Variants in PKN2 observed in about 807,000 individuals in gnomAD.
PKN2 encodes serine/threonine-protein kinase N2.
Under a neutral mutation model 119.1 loss-of-function variants are expected in PKN2, and 38 were observed. That is an observed-to-expected ratio of 0.32 (90% CI 0.25 to 0.42). The LOEUF is 0.42. Among genes scored for constraint, PKN2 ranks in the 10% least tolerant of loss-of-function variants. The probability of loss-of-function intolerance (pLI) is 1.00; values close to 1 mark genes in which losing one functional copy is unlikely to be tolerated. For synonymous variants in PKN2, 390 were observed against 384.9 expected (o/e 1.01, Z -0.15); for missense variants, 850 against 1,165.1 (o/e 0.73, Z 3.94).
intron 8 of PKN2, among the ~76,000 whole-genome samples, chr1:88,796,643 A>AT (rs546190644): frequency 2.6e-5 from 4 of 152,044 alleles, no homozygotes; most frequent in Admixed American, 2.0e-4. Context: ...CAATTATGAT[A>AT]TTTTTTGATC....
chr1:88,805,855 A>G (rs754452270), intron 11 of PKN2, 36 bp from the exon 12 acceptor site: 42 of 1,611,660 alleles, frequency 2.6e-5, no homozygotes, highest in Non-Finnish European at 3.6e-5. Context: ...CAGACTTTCT[A>G]TTACTGTTTT....
At chr1:88,785,069 T>C (rs1047654134) in intron 7 of PKN2, among the ~76,000 whole-genome samples, 1 of 152,228 alleles carries the variant, frequency 6.6e-6, no homozygotes, top group African/African-American at 2.4e-5. Context: ...TGAGCATCAC[T>C]CTTATGCCAA....
intron 1 of PKN2, among the ~76,000 whole-genome samples, chr1:88,708,787 T>C (rs1325150214): frequency 2.0e-5 from 3 of 152,088 alleles, no homozygotes; most frequent in African/African-American, 7.2e-5. Flanking sequence ...TTTAACATTG[T>C]TTTTGGAGAT....
intron 6 of PKN2, among the ~76,000 whole-genome samples, chr1:88,772,903 T>C (rs1291914466): frequency 2.6e-5 from 4 of 152,196 alleles, no homozygotes; most frequent in African/African-American, 9.6e-5. Flanking sequence ...TATGGTAATA[T>C]ATCTAACTAT....
chr1:88,697,337 A>G (rs1310430610), intron 1 of PKN2, among the ~76,000 whole-genome samples: 3 of 152,178 alleles, frequency 2.0e-5, no homozygotes, highest in Non-Finnish European at 4.4e-5. Flanking sequence ...TTATATGACC[A>G]ATCTGCCAGA....
intron 2 of PKN2, among the ~76,000 whole-genome samples, chr1:88,752,368 A>T (rs1168306761): frequency 1.3e-5 from 2 of 152,076 alleles, no homozygotes; most frequent in South Asian, 2.1e-4. Context: ...TATTTAACAT[A>T]CTTATTTCAC....
chr1:88,750,624 T>C (rs868773461), intron 2 of PKN2, among the ~76,000 whole-genome samples: 2 of 152,188 alleles, frequency 1.3e-5, no homozygotes, highest in South Asian at 4.1e-4. Context: ...AGCCACCCTT[T>C]TGGATATTAC....
chr1:88,735,944 C>T (rs1668331129), intron 1 of PKN2, among the ~76,000 whole-genome samples: 1 of 152,046 alleles, frequency 6.6e-6, no homozygotes, highest in Non-Finnish European at 1.5e-5. Flanking sequence ...ATTCTCAATT[C>T]CCTCTTGAAG....
At chr1:88,820,218 ATATATATATATAT>A (rs1672205335) in intron 16 of PKN2, among the ~76,000 whole-genome samples, 1 of 114,830 alleles carries the variant, frequency 8.7e-6, no homozygotes, top group Non-Finnish European at 1.7e-5. Flanking sequence ...ATATATATAT[ATATATATATATAT>A]ATAAATAGAA....
At chr1:88,788,633 TG>T (rs1570631935) in intron 8 of PKN2, among the ~76,000 whole-genome samples, 1 of 152,030 alleles carries the variant, frequency 6.6e-6, no homozygotes, top group Admixed American at 6.5e-5. Context: ...TTAGTAGAGA[TG>T]GGGGTTCTCC....
intron 3 of PKN2, among the ~76,000 whole-genome samples, chr1:88,767,554 G>A (rs1469353637): frequency 6.6e-6 from 1 of 152,102 alleles, no homozygotes; most frequent in Non-Finnish European, 1.5e-5. Context: ...CACCTAGGCT[G>A]TAGTAACAGC....
At chr1:88,690,393 T>G (rs1455144459) in intron 1 of PKN2, among the ~76,000 whole-genome samples, 12 of 152,240 alleles carry the variant, frequency 7.9e-5, no homozygotes, top group Non-Finnish European at 2.9e-5. Context: ...CATTATTCCC[T>G]CATAAAATAT....
Position 88,744,585 on chromosome 1 carries a change from C to T in PKN2, c.349+3297C>T, listed in dbSNP as rs1258825748. Among the ~76,000 whole-genome samples, 3 of 152,266 alleles carry T rather than the reference C, an allele frequency of 2.0e-5. No individual in the cohort carries two copies. The East Asian group carries it at 5.8e-4, about 29-fold the overall frequency. Reference sequence around the variant, plus strand: ...ACAGGCTCCATGCCACCACAGCCAGCTGATTTTTGTATTTTTAGTAGAGGC... The same window carrying T: ...ACAGGCTCCATGCCACCACAGCCAGTTGATTTTTGTATTTTTAGTAGAGGC... On this transcript the variant is annotated intron_variant, in intron 2 of 21. Coordinates refer to ENST00000370521, the MANE Select transcript of PKN2 (RefSeq NM_006256.4).
At chr1:88,826,842 A>G (rs1672517615) in intron 18 of PKN2, among the ~76,000 whole-genome samples, 1 of 152,142 alleles carries the variant, frequency 6.6e-6, no homozygotes, top group Admixed American at 6.5e-5. Context: ...ACTTTTTCCT[A>G]GTTTTCTCCA....
intron 1 of PKN2, among the ~76,000 whole-genome samples, chr1:88,722,366 T>C (rs551675723): frequency 1.5e-3 from 232 of 152,352 alleles, no homozygotes; most frequent in African/African-American, 5.4e-3. Context: ...TGTCTTTATT[T>C]CTGATTCTAC....
At chr1:88,794,347 A>C (rs978988837) in intron 8 of PKN2, among the ~76,000 whole-genome samples, 2 of 151,436 alleles carry the variant, frequency 1.3e-5, no homozygotes, top group African/African-American at 4.9e-5. Flanking sequence ...AGCCTGGGCA[A>C]CAAGAGCGAA....
chr1:88,715,603 C>T (rs569393744), intron 1 of PKN2, among the ~76,000 whole-genome samples: 4 of 152,078 alleles, frequency 2.6e-5, no homozygotes, highest in South Asian at 4.2e-4. Flanking sequence ...TCTGTGGGAT[C>T]GGTGGTGATA....
chr1:88,750,549 C>T (rs528516246), intron 2 of PKN2, among the ~76,000 whole-genome samples: 4 of 152,278 alleles, frequency 2.6e-5, no homozygotes, highest in Admixed American at 6.5e-5. Context: ...ATCCTATTTT[C>T]TGGTGACTTC....
At chr1:88,714,944 C>G (rs1267101332) in intron 1 of PKN2, among the ~76,000 whole-genome samples, 5 of 152,090 alleles carry the variant, frequency 3.3e-5, no homozygotes, top group Non-Finnish European at 7.4e-5. Flanking sequence ...TGAGATACGT[C>G]CCATCAATAC....
Sources: allele counts gnomAD v4.1 joint callset (sites outside exome capture counted in the v4.1 genomes callset), GRCh38; gene constraint gnomAD v4.1.1; transcripts MANE v1.5; gene names NCBI Gene and HGNC (gene_info 2026-07-23, HGNC 2026-07-21).